The following PHACTR4 variants were observed in gnomAD, a reference collection of about 807,000 sequenced individuals.
The protein encoded by PHACTR4 is phosphatase and actin regulator 4.
PHACTR4 carries 51 observed loss-of-function variants against 72.7 expected under a neutral mutation model. That is an observed-to-expected ratio of 0.70 (90% CI 0.56 to 0.89). The LOEUF is 0.89. Among genes scored for constraint, PHACTR4 ranks in the 40% least tolerant of loss-of-function variants. The pLI is 0.00. For missense variants in PHACTR4, 731 were observed against 861.8 expected, an observed-to-expected ratio of 0.85 and a Z score of 1.90; for synonymous variants, 255 against 302.5, an observed-to-expected ratio of 0.84 and a Z score of 1.63.
In PHACTR4 at chr1:28,496,553, C is replaced by G; in HGVS notation, c.*4C>G. The G allele has an allele frequency of 6.2e-7, 1 of 1,613,826 alleles. No individual in the cohort carries two copies. Among genetic ancestry groups the G allele is most frequent in the East Asian group, 2.2e-5 (1 of 44,884 alleles). On this transcript the variant is annotated 3_prime_UTR_variant, in exon 14 of 14. Transcript: ENST00000373839. Reference sequence around the variant, plus strand: ...TTTTAGCTACCATCGTCCATGATGCCAAAGGTTGAGAGAGGAATCAACATG... The same window carrying G: ...TTTTAGCTACCATCGTCCATGATGCGAAAGGTTGAGAGAGGAATCAACATG...
At chr1:28,457,233 G>A (rs1436276055) in intron 2 of PHACTR4, 15 of 398,926 alleles carry the variant, frequency 3.8e-5, no homozygotes, top group Non-Finnish European at 7.6e-5. Flanking sequence ...ATTGAATTTG[G>A]CAGTTGTTTC....
At chr1:28,374,197 A>C (rs1651467877) in intron 1 of PHACTR4, among the ~76,000 whole-genome samples, 1 of 152,186 alleles carries the variant, frequency 6.6e-6, no homozygotes. Context: ...TGAGTTACTC[A>C]GTTTTGGTTC....
intron 2 of PHACTR4, chr1:28,454,022 C>T (rs1658177464): frequency 2.6e-6 from 1 of 389,402 alleles, no homozygotes; most frequent in Non-Finnish European, 4.8e-6. Flanking sequence ...TTGAGACCAG[C>T]CTGGGCAAGA....
At chr1:28,486,505 A>C (rs1267442376) in intron 9 of PHACTR4, among the ~76,000 whole-genome samples, 3 of 152,138 alleles carry the variant, frequency 2.0e-5, no homozygotes, top group Admixed American at 6.5e-5. Flanking sequence ...TTATTGTGTC[A>C]GTTATATCGT....
chr1:28,388,890 G>A (rs1163807077), intron 1 of PHACTR4, among the ~76,000 whole-genome samples: 1 of 152,048 alleles, frequency 6.6e-6, no homozygotes, highest in Non-Finnish European at 1.5e-5. Flanking sequence ...AGACTTAAAT[G>A]TAAGACCTGA....
In PHACTR4 at chr1:28,459,218, GA is replaced by G. The variant is rs761437290; in HGVS notation, c.160del (p.Ser54ValfsTer12). ...GKIFKPWKWR[K>X]KKSSDKFKET... ...AGATCTTCAAGCCCTGGAAATGGAG[GA>G]AAAAAAAAAGTAGTGATAAATTTAA... On this transcript the variant is annotated frameshift_variant, in exon 3 of 14. Coordinates refer to ENST00000373839, the MANE Select transcript of PHACTR4 (RefSeq NM_001048183.3). LOFTEE classifies it high-confidence loss of function. 1.4e-4 allele frequency: 215 copies of G among 1,490,474 alleles called. No homozygotes were observed. The highest frequency in any genetic ancestry group is 6.8e-4 in the Admixed American group (36 of 52,776). 92.3% of individuals were successfully genotyped at this position (1,490,474 alleles called of 1,614,324 possible).
chr1:28,496,000 A>G (rs1394018238), intron 13 of PHACTR4, among the ~76,000 whole-genome samples: 1 of 151,950 alleles, frequency 6.6e-6, no homozygotes, highest in Non-Finnish European at 1.5e-5. Flanking sequence ...CAATTGAAGA[A>G]GAGAGAAAAT....
chr1:28,410,159 G>C (rs186029136), intron 2 of PHACTR4, among the ~76,000 whole-genome samples: 242 of 151,876 alleles, frequency 1.6e-3, no homozygotes, highest in African/African-American at 5.8e-3. Flanking sequence ...GTAGAGACAG[G>C]GTTTCACCAT....
At chr1:28,411,901 A>AAAAG (rs947006457) in intron 2 of PHACTR4, among the ~76,000 whole-genome samples, 6 of 152,012 alleles carry the variant, frequency 3.9e-5, no homozygotes, top group Admixed American at 1.3e-4. Flanking sequence ...ACGAATGAAC[A>AAAAG]AAAGAAAGAA....
At chr1:28,455,552 C>T (rs1658328480) in intron 2 of PHACTR4, among the ~76,000 whole-genome samples, 1 of 152,110 alleles carries the variant, frequency 6.6e-6, no homozygotes, top group Admixed American at 6.6e-5. Context: ...ATGTCTGCCT[C>T]TGTCTCTTTT....
chr1:28,417,950 A>C (rs1353115045), intron 2 of PHACTR4, among the ~76,000 whole-genome samples: 2 of 72,636 alleles, frequency 2.8e-5, no homozygotes, highest in Non-Finnish European at 6.0e-5. Flanking sequence ...AGACCCTACA[A>C]AAAAAAAAAA....
chr1:28,462,378 A>G (rs1383322601), intron 4 of PHACTR4, among the ~76,000 whole-genome samples: 2 of 151,522 alleles, frequency 1.3e-5, no homozygotes, highest in Non-Finnish European at 2.9e-5. Flanking sequence ...TTGCTCACTT[A>G]TCATAAACCA....
intron 1 of PHACTR4, among the ~76,000 whole-genome samples, chr1:28,392,826 A>T (rs929177925): frequency 6.6e-5 from 10 of 151,998 alleles, no homozygotes; most frequent in African/African-American, 2.4e-4. Context: ...TGAACCCTGC[A>T]TATTGTATTT....
intron 10 of PHACTR4, among the ~76,000 whole-genome samples, chr1:28,490,543 A>G (rs974321782): frequency 6.6e-6 from 1 of 151,086 alleles, no homozygotes; most frequent in African/African-American, 2.4e-5. Context: ...AAAAAAAAAA[A>G]GAAAAAAAAA....
intron 1 of PHACTR4, among the ~76,000 whole-genome samples, chr1:28,396,115 A>C (rs1312121898): frequency 6.6e-6 from 1 of 151,850 alleles, no homozygotes; most frequent in African/African-American, 2.4e-5. Flanking sequence ...GTAGCTACTA[A>C]ATTTCTCTGC....
At chr1:28,389,560 C>G (rs1297326971) in intron 1 of PHACTR4, among the ~76,000 whole-genome samples, 1 of 151,146 alleles carries the variant, frequency 6.6e-6, no homozygotes, top group African/African-American at 2.4e-5. Context: ...TCACTGCAAC[C>G]TCCGCCTCCC....
intron 9 of PHACTR4, among the ~76,000 whole-genome samples, chr1:28,485,906 A>AAAT (rs1557848267): frequency 6.6e-6 from 1 of 152,046 alleles, no homozygotes; most frequent in African/African-American, 2.4e-5. Flanking sequence ...ATCTCAAAAA[A>AAAT]AATAATAATA....
At chr1:28,380,566 T>G (rs1269857164) in intron 1 of PHACTR4, among the ~76,000 whole-genome samples, 1 of 152,200 alleles carries the variant, frequency 6.6e-6, no homozygotes, top group African/African-American at 2.4e-5. Context: ...CCATGTGTTC[T>G]CATCATGCAA....
chr1:28,441,591 G>A (rs1169150909), intron 2 of PHACTR4, among the ~76,000 whole-genome samples: 2 of 152,104 alleles, frequency 1.3e-5, no homozygotes, highest in African/African-American at 4.8e-5. Flanking sequence ...ATGTACATTA[G>A]GAATCTATGC....
Sources: allele counts gnomAD v4.1 joint callset (sites outside exome capture counted in the v4.1 genomes callset), GRCh38; gene constraint gnomAD v4.1.1; transcripts MANE v1.5; gene names NCBI Gene and HGNC (gene_info 2026-07-23, HGNC 2026-07-21).